Variants in ZIM2 observed in about 807,000 individuals in gnomAD.
ZIM2 encodes zinc finger protein 656.
A neutral mutation model predicts 38.6 loss-of-function variants in ZIM2; 14 were observed. The observed-to-expected ratio is 0.36, with a 90% CI of 0.24 to 0.57. The LOEUF is 0.57. Ranked by LOEUF, ZIM2 falls within the 20% of genes least tolerant of loss-of-function variation. ZIM2 has a pLI of 0.81. For synonymous variants in ZIM2, 247 were observed against 245.8 expected, an observed-to-expected ratio of 1.00 and a Z score of -0.04; for missense variants, 680 against 695.1, an observed-to-expected ratio of 0.98 and a Z score of 0.24.
chr19:56,775,670 T>C, intron 12 of ZIM2, 141 bp from the exon 13 acceptor site: 1 of 1,349,424 alleles, frequency 7.4e-7, no homozygotes, highest in East Asian at 2.4e-5. Flanking sequence ...AAAAAAAAAG[T>C]AAAAATTCCT....
chr19:56,800,423 A>C (rs1006411146), intron 9 of ZIM2, among the ~76,000 whole-genome samples: 4 of 152,188 alleles, frequency 2.6e-5, no homozygotes, highest in African/African-American at 7.2e-5. Flanking sequence ...AACATCTGAT[A>C]AACAGTTCAA....
At chr19:56,801,014 C>T (rs2047497679) in intron 9 of ZIM2, among the ~76,000 whole-genome samples, 1 of 150,542 alleles carries the variant, frequency 6.6e-6, no homozygotes, top group South Asian at 2.1e-4. Flanking sequence ...CGGCTCACTG[C>T]AACCTCCGCC....
rs777331175 is a variant in ZIM2, at chr19:56,813,729, C to T, written c.490+4017G>A. The T allele has an allele frequency of 5.0e-6, 8 of 1,614,078 alleles. No individual in the cohort carries two copies. In the East Asian group the frequency reaches 1.6e-4, roughly 31 times the overall value. On this transcript the variant is annotated intron_variant, in intron 9 of 12. Coordinates refer to ENST00000629319, the MANE Select transcript of ZIM2 (RefSeq NM_001387356.1). ...CGAGGGACAGGCGGTCATTGAAGAG[C>T]TGCCCACAGACGTCACATTTGAAGT...
rs140555816 is a variant in ZIM2 at position 56,816,556 on chromosome 19, C to T, written c.490+1190G>A. ...AAGGAAAGTCTCCCCACACACCTTA[C>T]ATTCGTACATTTTCTCTTTACCATA... is the stretch of plus-strand genomic sequence containing the variant. On this transcript the variant is annotated intron_variant, in intron 9 of 12. Transcript: ENST00000629319. 428 of 1,614,100 alleles carry T rather than the reference C, an allele frequency of 2.7e-4. No individual in the cohort carries two copies. Among genetic ancestry groups the T allele is most frequent in the Non-Finnish European group, 3.4e-4 (400 of 1,179,974 alleles).
chr19:56,822,682 C>G (rs924777847), intron 6 of ZIM2, 71 bp downstream of exon 6: 2 of 1,578,040 alleles, frequency 1.3e-6, no homozygotes, highest in African/African-American at 1.4e-5. Context: ...GGCCCTGGCA[C>G]TTTCCCCTTG....
chr19:56,814,144 A>G lies in ZIM2; in HGVS notation c.490+3602T>C, dbSNP rs375695469. 53 of 1,613,454 alleles carry G rather than the reference A, an allele frequency of 3.3e-5. No individual in the cohort carries two copies. Among genetic ancestry groups the G allele is most frequent in the East Asian group, 4.5e-5 (2 of 44,828 alleles). On this transcript the variant is annotated intron_variant, in intron 9 of 12. Coordinates refer to ENST00000629319, the MANE Select transcript of ZIM2 (RefSeq NM_001387356.1). This position sits in a 1 kb window ranked among gnomAD's most constrained non-coding sequence, Gnocchi z 5.8. ...TCCATTTGGCTGTCCAGCCTCTCCA[A>G]TGGGCTCTGCAGCCTCTCCATCTGG...
intron 10 of ZIM2, 86 bp downstream of exon 10, chr19:56,789,786 G>A: frequency 8.5e-7 from 1 of 1,177,056 alleles, no homozygotes; most frequent in Non-Finnish European, 1.1e-6. Context: ...AAATGAGTAT[G>A]TGGTTTAATT....
intron 9 of ZIM2, chr19:56,816,842 C>T (rs2146203800): frequency 6.2e-7 from 1 of 1,614,130 alleles, no homozygotes; most frequent in Admixed American, 1.7e-5. Context: ...TTCTTACATT[C>T]CACAAGATAA....
Position 56,775,009 on chromosome 19 carries a change from A to G in ZIM2, c.1356T>C (p.Phe452=). Residue 452 remains phenylalanine, a synonymous_variant, in exon 13 of 13, where the codon TTT becomes TTC. Coordinates refer to ENST00000629319, the MANE Select transcript of ZIM2 (RefSeq NM_001387356.1). ...GTTGAAGAAGATGCACATTCTGGAGAAAAGCTTTGCCGCACTGAAAACATT... is the reference window on the plus strand; with the variant it reads ...GTTGAAGAAGATGCACATTCTGGAGGAAAGCTTTGCCGCACTGAAAACATT... ...YFECFQCGKA[F]LQNVHLLQHL... is the part of the protein sequence containing the mutation. 6.2e-7 allele frequency: 1 copy of G among 1,614,136 alleles called. No individual in the cohort carries two copies. The highest frequency in any genetic ancestry group is 8.5e-7 in the Non-Finnish European group (1 of 1,180,012).
intron 9 of ZIM2, chr19:56,812,925 T>C: frequency 1.0e-6 from 1 of 985,404 alleles, no homozygotes; most frequent in Non-Finnish European, 1.2e-6. Context: ...AAAAAGCCAA[T>C]CCGTATATTG....
At chr19:56,836,969 CAA>C (rs573566620) in intron 1 of ZIM2, among the ~76,000 whole-genome samples, 272 of 116,592 alleles carry the variant, frequency 2.3e-3, no homozygotes, top group African/African-American at 8.9e-3. Flanking sequence ...GACTCTGTCT[CAA>C]AAAAAAAAAA....
At chr19:56,801,692 A>G in intron 9 of ZIM2, among the ~76,000 whole-genome samples, 1 of 152,244 alleles carries the variant, frequency 6.6e-6, no homozygotes, top group East Asian at 1.9e-4. Flanking sequence ...GAAGTGGACC[A>G]ATCCCATAGA....
chr19:56,781,321 C>G (rs993005855), intron 11 of ZIM2, among the ~76,000 whole-genome samples: 1 of 151,654 alleles, frequency 6.6e-6, no homozygotes, highest in Non-Finnish European at 1.5e-5. Flanking sequence ...GCACTGGCAA[C>G]GTAAACTTTT....
intron 9 of ZIM2, among the ~76,000 whole-genome samples, chr19:56,792,029 T>G (rs1024562162): frequency 2.0e-5 from 3 of 151,788 alleles, no homozygotes; most frequent in Admixed American, 1.3e-4. Flanking sequence ...CAGGAGTTTT[T>G]TTTTTTTTTT....
chr19:56,790,905 A>C (rs2046898947), intron 9 of ZIM2: 2 of 152,112 alleles, frequency 1.3e-5, no homozygotes, highest in Admixed American at 1.3e-4. Flanking sequence ...CTTATGATTA[A>C]GCCTTTCCTA....
At chr19:56,815,522 A>G (rs1460742215) in intron 9 of ZIM2, 5 of 1,613,688 alleles carry the variant, frequency 3.1e-6, no homozygotes, top group Non-Finnish European at 3.4e-6. Context: ...CACTCCCCAC[A>G]CTCCTGACAT....
At chr19:56,838,599 G>A (rs1013695780) in intron 1 of ZIM2, among the ~76,000 whole-genome samples, 1 of 152,192 alleles carries the variant, frequency 6.6e-6, no homozygotes, top group Non-Finnish European at 1.5e-5. Context: ...GGGAAGGGGT[G>A]AGCCTCTGCC....
intron 2 of ZIM2, among the ~76,000 whole-genome samples, chr19:56,832,546 T>G (rs1483327441): frequency 6.6e-6 from 1 of 152,138 alleles, no homozygotes; most frequent in Non-Finnish European, 1.5e-5. Context: ...AGCTTCCATA[T>G]CTCCCTCTGC....
chr19:56,834,931 C>T (rs921153724), intron 2 of ZIM2, among the ~76,000 whole-genome samples: 1 of 152,198 alleles, frequency 6.6e-6, no homozygotes, highest in Non-Finnish European at 1.5e-5. Context: ...GGCCCAGTAT[C>T]AATGCTTGCT....
Sources: gnomAD v4.1 joint callset for allele counts (sites outside exome capture counted in the v4.1 genomes callset) on GRCh38, gnomAD v4.1.1 for gene constraint, Gnocchi (gnomAD v3.1) non-coding constraint, MANE v1.5 for transcripts, NCBI Gene and HGNC (gene_info 2026-07-23, HGNC 2026-07-21) for gene names.